FEM1C: variants seen among roughly 807,000 people sequenced by gnomAD.
FEM1C encodes the protein fem-1 homolog C, also known as protein fem-1 homolog C.
A neutral mutation model predicts 37.6 loss-of-function variants in FEM1C; 15 were observed. The ratio of observed to expected loss-of-function variants is 0.40; its 90% CI spans 0.27 to 0.61. The LOEUF is 0.61. Among genes scored for constraint, FEM1C ranks in the 20% least tolerant of loss-of-function variants. The probability of loss-of-function intolerance (pLI) is 0.42; values close to 1 mark genes in which losing one functional copy is unlikely to be tolerated. For missense variants in FEM1C, 532 were observed against 749.7 expected, an observed-to-expected ratio of 0.71 and a Z score of 3.39; for synonymous variants, 287 against 272.8, an observed-to-expected ratio of 1.05 and a Z score of -0.51.
Position 115,543,607 on chromosome 5 carries a change from C to A in FEM1C, c.-114G>T. The stretch of plus-strand genomic sequence containing the variant: ...CCAAAGTCCAATGTTAATTGCTGCA[C>A]CCCAGAACGGATACACAACCACGAA... On this transcript the variant is annotated 5_prime_UTR_variant, in exon 2 of 3. Transcript: ENST00000274457. The A allele has an allele frequency of 6.8e-7, 1 of 1,467,020 alleles. No homozygotes were observed. Among genetic ancestry groups the A allele is most frequent in the Non-Finnish European group, 9.0e-7 (1 of 1,117,142 alleles). 90.9% of individuals were successfully genotyped at this position (1,467,020 alleles called of 1,614,324 possible). A position where few individuals can be genotyped will look rare whatever the true frequency, so the allele number is the denominator to read the frequency against.
At chr5:115,533,593 T>C (rs530612328) in intron 2 of FEM1C, among the ~76,000 whole-genome samples, 35 of 152,076 alleles carry the variant, frequency 2.3e-4, no homozygotes, top group East Asian at 3.9e-4. Context: ...CCAAGTACTA[T>C]AGATTTAGCT....
intron 2 of FEM1C, among the ~76,000 whole-genome samples, chr5:115,527,106 T>C (rs895813462): frequency 3.3e-5 from 5 of 152,140 alleles, no homozygotes; most frequent in Non-Finnish European, 7.4e-5. Context: ...AAGATTTCTC[T>C]ACACTTCACC....
In FEM1C at chr5:115,524,366, A is replaced by G. The variant is rs1466380092; in HGVS notation, c.1796T>C (p.Ile599Thr). ...TTCTGGGATATGCCCTTTATAATAT[A>G]TTCTATGATTCACTATGACACGAGC... ...LAARVIVNHR[I>T]YYKGHIPEKL... The change falls in exon 3 of 3, where the codon ATA (isoleucine) becomes ACA (threonine). Residue 599 changes from isoleucine (I) to threonine (T), a missense_variant. By Grantham distance (89) the Ile-to-Thr change is moderately conservative. Transcript: ENST00000274457. 3.1e-6 allele frequency: 5 copies of G among 1,613,380 alleles called. No homozygotes were observed. Among genetic ancestry groups the G allele is most frequent in the African/African-American group, 1.3e-5 (1 of 74,888 alleles).
chr5:115,529,960 A>C (rs577952492), intron 2 of FEM1C, among the ~76,000 whole-genome samples: 1 of 152,090 alleles, frequency 6.6e-6, no homozygotes, highest in Non-Finnish European at 1.5e-5. Flanking sequence ...TAAAAATCAG[A>C]AAAGTACCCA....
At chr5:115,531,922 C>G (rs904063222) in intron 2 of FEM1C, among the ~76,000 whole-genome samples, 1 of 152,052 alleles carries the variant, frequency 6.6e-6, no homozygotes, top group Non-Finnish European at 1.5e-5. Flanking sequence ...TCTGCTTATG[C>G]TTCACATTAT....
rs1325337564 is a variant in FEM1C at position 115,525,429 on chromosome 5, T to C, written c.733A>G (p.Ile245Val). Residue 245 changes from isoleucine (I) to valine (V), a missense_variant, in exon 3 of 3, where the codon ATT (isoleucine) becomes GTT (valine). Coordinates refer to ENST00000274457, the MANE Select transcript of FEM1C (RefSeq NM_020177.3). Reference sequence around the variant, plus strand: ...GCTCCCAGAAGCTCTAGAGCATTAATACGTTCTGTCTTGCTGGTCTGTGCA... The same window carrying C: ...GCTCCCAGAAGCTCTAGAGCATTAACACGTTCTGTCTTGCTGGTCTGTGCA... The part of the protein sequence containing the change: ...HHAQTSKTER[I>V]NALELLGATF... 2 of 1,613,586 alleles carry C rather than the reference T, an allele frequency of 1.2e-6. No homozygotes were observed. Among genetic ancestry groups the C allele is most frequent in the Non-Finnish European group, 8.5e-7 (1 of 1,179,778 alleles).
rs141134064 is a variant in FEM1C, at chr5:115,540,193, T to C, written c.544+2757A>G. ...CTTAGTTTCAATTGGTTCCTGCTTT[T>C]GTTACCATTAACCCATAGAAAAAAA... On this transcript the variant is annotated intron_variant, in intron 2 of 2. Coordinates refer to ENST00000274457, the MANE Select transcript of FEM1C (RefSeq NM_020177.3). Among the ~76,000 whole-genome samples, 388 of 152,236 alleles carry C rather than the reference T, an allele frequency of 2.5e-3. 2 individuals are homozygous for C. The highest frequency in any genetic ancestry group is 0.025 in the East Asian group (131 of 5,190).
In FEM1C at chr5:115,544,146, G is replaced by C; in HGVS notation, c.-191+377C>G. 4.1e-6 allele frequency: 4 copies of C among 985,424 alleles called. No individual in the cohort carries two copies. The South Asian group carries it at 1.9e-4, about 46-fold the overall frequency. The allele number at this position is 985,424 out of a possible 1,614,324, so 61.0% of individuals were successfully genotyped here. On this transcript the variant is annotated intron_variant, in intron 1 of 2. Transcript: ENST00000274457. ...AAAAGGTCGGACACACCAAACCCCG[G>C]CTAAGGCCAAAACTGTGCCCCGAAA...
chr5:115,523,909 G>C lies in FEM1C; in HGVS notation c.*399C>G, dbSNP rs3776802. The C allele has an allele frequency of 0.085, 15,399 of 181,144 alleles. 954 individuals are homozygous for C. Among genetic ancestry groups the C allele is most frequent in the African/African-American group, 0.18 (7,617 of 41,584 alleles). The allele number at this position is 181,144 out of a possible 1,614,324, so 11.2% of individuals were successfully genotyped here. ...GACAAACAATAAAGTAGAAACAGGG[G>C]GGAAACTTGAGAAGAGAAGAAAGAA... On this transcript the variant is annotated 3_prime_UTR_variant, in exon 3 of 3. Transcript: ENST00000274457.
At chr5:115,535,513 G>A (rs1453914614) in intron 2 of FEM1C, among the ~76,000 whole-genome samples, 3 of 151,844 alleles carry the variant, frequency 2.0e-5, no homozygotes, top group Non-Finnish European at 2.9e-5. Flanking sequence ...AACGTCATTA[G>A]CGATTGGAGA....
rs183067706 is a variant in FEM1C, at chr5:115,542,521, C to T, written c.544+429G>A. The stretch of plus-strand genomic sequence containing the variant: ...AATGACTGCCTAGAACAAACAAGAC[C>T]ATGACTCAATAAATATAGTAATTTC... On this transcript the variant is annotated intron_variant, in intron 2 of 2. Transcript: ENST00000274457. Among the ~76,000 whole-genome samples, 6 of 151,136 alleles carry T rather than the reference C, an allele frequency of 4.0e-5. No homozygotes were observed. In the East Asian group the frequency reaches 9.7e-4, roughly 24 times the overall value.
In FEM1C at chr5:115,523,069, G is replaced by C. The variant is rs953262612; in HGVS notation, c.*1239C>G. 1 of 152,184 alleles carries C rather than the reference G, an allele frequency of 6.6e-6. No homozygotes were observed. Among genetic ancestry groups the C allele is most frequent in the African/African-American group, 2.4e-5 (1 of 41,402 alleles). 9.4% of individuals were successfully genotyped at this position (152,184 alleles called of 1,614,324 possible). ...GCACTGCAACCTTTCATGTTTAACT[G>C]GGGTGACAAATAATTGAGACCAAAG... On this transcript the variant is annotated 3_prime_UTR_variant, in exon 3 of 3. Transcript: ENST00000274457.
intron 2 of FEM1C, among the ~76,000 whole-genome samples, chr5:115,538,772 G>A (rs1446823983): frequency 2.0e-5 from 3 of 151,786 alleles, no homozygotes; most frequent in Non-Finnish European, 2.9e-5. Context: ...TCCAATTCCT[G>A]GACCCTCCAA....
chr5:115,536,918 C>T (rs910127269), intron 2 of FEM1C, among the ~76,000 whole-genome samples: 4 of 151,850 alleles, frequency 2.6e-5, no homozygotes, highest in African/African-American at 9.7e-5. Flanking sequence ...AAATGAGTCT[C>T]GATGTTAAGT....
At chr5:115,537,138 T>C (rs565168855) in intron 2 of FEM1C, among the ~76,000 whole-genome samples, 3 of 152,072 alleles carry the variant, frequency 2.0e-5, no homozygotes, top group African/African-American at 4.8e-5. Flanking sequence ...CCAACTGACT[T>C]TTTCATCTGG....
chr5:115,536,777 A>G (rs1276248556), intron 2 of FEM1C, among the ~76,000 whole-genome samples: 2 of 152,066 alleles, frequency 1.3e-5, no homozygotes, highest in Non-Finnish European at 2.9e-5. Flanking sequence ...TAAGGCACTG[A>G]GCAAAGAACA....
At chr5:115,544,242 C>G in intron 1 of FEM1C, 7 of 927,920 alleles carry the variant, frequency 7.5e-6, no homozygotes, top group Non-Finnish European at 7.7e-6. Context: ...TAACTTCGCC[C>G]GCCCCATTTC....
rs965302978 is a variant in FEM1C, at chr5:115,525,292, C to A, written c.870G>T (p.Gln290His). ...RTNIISKPVP[Q>H]TLIMAYDYAK... ...CATAATCATAAGCCATTATTAGTGTCTGTGGCACTGGTTTACTAATAATAT... is the reference window on the plus strand; with the variant it reads ...CATAATCATAAGCCATTATTAGTGTATGTGGCACTGGTTTACTAATAATAT... Residue 290 changes from glutamine (Q) to histidine (H), a missense_variant, in exon 3 of 3, where the codon CAG becomes CAT. Coordinates refer to ENST00000274457, the MANE Select transcript of FEM1C (RefSeq NM_020177.3). The A allele has an allele frequency of 2.5e-6, 4 of 1,613,742 alleles. No individual in the cohort carries two copies. The highest frequency in any genetic ancestry group is 1.7e-4 in the Middle Eastern group (1 of 6,058).
In FEM1C at chr5:115,543,172, A is replaced by G. The variant is rs1204089194; in HGVS notation, c.322T>C (p.Ser108Pro). 1 of 1,614,206 alleles carries G rather than the reference A, an allele frequency of 6.2e-7. No homozygotes were observed. The highest frequency in any genetic ancestry group is 8.5e-7 in the Non-Finnish European group (1 of 1,180,044). ...VVQSLLNHGA[S>P]VNNTTLTNST... ...TTGGTTAAAGTCGTGTTGTTGACAG[A>G]TGCTCCATGATTTAACAAGGACTGG... Residue 108 changes from serine (S) to proline (P), a missense_variant, in exon 2 of 3, where the codon TCT becomes CCT. Transcript: ENST00000274457.
Sources: allele counts gnomAD v4.1 joint callset (sites outside exome capture counted in the v4.1 genomes callset), GRCh38; gene constraint gnomAD v4.1.1; transcripts MANE v1.5; gene names NCBI Gene and HGNC (gene_info 2026-07-23, HGNC 2026-07-21).